The following ARHGAP24 variants were observed in gnomAD, a reference collection of about 807,000 sequenced individuals.
ARHGAP24 encodes rho GTPase-activating protein 24.
ARHGAP24 carries 50 observed loss-of-function variants against 76.4 expected under a neutral mutation model. The ratio of observed to expected loss-of-function variants is 0.65; its 90% CI spans 0.52 to 0.83. ARHGAP24 has a LOEUF of 0.83. Ranked by LOEUF, ARHGAP24 falls within the 40% of genes least tolerant of loss-of-function variation. The pLI, the probability that ARHGAP24 is intolerant of heterozygous loss-of-function variation, is 0.00. For missense variants in ARHGAP24, 930 were observed against 914.2 expected (o/e 1.02, Z -0.22); for synonymous variants, 345 against 323.3 (o/e 1.07, Z -0.72).
intron 5 of ARHGAP24, among the ~76,000 whole-genome samples, chr4:85,959,771 T>C (rs1280281573): frequency 6.6e-6 from 1 of 152,184 alleles, no homozygotes; most frequent in Non-Finnish European, 1.5e-5. Flanking sequence ...ACTGTTAAAC[T>C]GCTTTCCAAA....
chr4:85,591,287 C>T (rs1449092489), intron 2 of ARHGAP24, among the ~76,000 whole-genome samples: 1 of 152,064 alleles, frequency 6.6e-6, no homozygotes, highest in African/African-American at 2.4e-5. Flanking sequence ...CTCAGGTGAT[C>T]CACACAACTC....
At chr4:85,993,221 TC>T (rs1474045748) in intron 8 of ARHGAP24, among the ~76,000 whole-genome samples, 1 of 152,152 alleles carries the variant, frequency 6.6e-6, no homozygotes, top group Admixed American at 6.6e-5. Flanking sequence ...ATTTTCAGCT[TC>T]CAGGTGATGC....
chr4:85,755,390 T>G (rs1159726523), intron 3 of ARHGAP24, among the ~76,000 whole-genome samples: 6 of 152,058 alleles, frequency 3.9e-5, no homozygotes, highest in Non-Finnish European at 7.4e-5. Flanking sequence ...CCCCTACACT[T>G]GTAGACAAGA....
chr4:85,997,822 A>AT (rs34276670), intron 9 of ARHGAP24, among the ~76,000 whole-genome samples: 31 of 149,272 alleles, frequency 2.1e-4, no homozygotes, highest in East Asian at 7.9e-4. Flanking sequence ...TGACTGGATA[A>AT]TTTTTTTTTT....
At chr4:85,626,827 T>A (rs541802366) in intron 2 of ARHGAP24, among the ~76,000 whole-genome samples, 4 of 152,268 alleles carry the variant, frequency 2.6e-5, no homozygotes, top group African/African-American at 9.6e-5. Context: ...TCATTCTTTT[T>A]GTCTTCCATC....
At chr4:85,609,030 A>G (rs1720297655) in intron 2 of ARHGAP24, among the ~76,000 whole-genome samples, 1 of 152,126 alleles carries the variant, frequency 6.6e-6, no homozygotes, top group African/African-American at 2.4e-5. Flanking sequence ...CATCTGTAAA[A>G]CAAGAGTAAG....
intron 2 of ARHGAP24, among the ~76,000 whole-genome samples, chr4:85,615,895 G>C (rs1161062850): frequency 6.6e-6 from 1 of 152,198 alleles, no homozygotes; most frequent in Non-Finnish European, 1.5e-5. Context: ...GTGGTCACTA[G>C]AGTATTGTTT....
chr4:85,973,240 G>C (rs543775654), intron 6 of ARHGAP24, among the ~76,000 whole-genome samples: 5 of 152,118 alleles, frequency 3.3e-5, no homozygotes, highest in Non-Finnish European at 7.4e-5. Flanking sequence ...GAGTAAAGTC[G>C]TATCTCATTG....
chr4:85,589,539 T>G (rs778763009), intron 2 of ARHGAP24, among the ~76,000 whole-genome samples: 1 of 152,218 alleles, frequency 6.6e-6, no homozygotes, highest in Non-Finnish European at 1.5e-5. Context: ...ATCATGGTAG[T>G]GACCATTTTG....
intron 8 of ARHGAP24, chr4:85,990,656 G>T (rs1055595183): frequency 6.6e-6 from 1 of 151,782 alleles, no homozygotes; most frequent in Non-Finnish European, 1.5e-5. Context: ...ATGTACCACG[G>T]TATTTCAATG....
intron 2 of ARHGAP24, among the ~76,000 whole-genome samples, chr4:85,648,195 A>G (rs952925648): frequency 6.6e-6 from 1 of 152,116 alleles, no homozygotes; most frequent in African/African-American, 2.4e-5. Context: ...CCTACGCCAG[A>G]TCGGAGGGGG....
At chr4:85,663,043 A>T (rs1722467309) in intron 2 of ARHGAP24, among the ~76,000 whole-genome samples, 1 of 151,918 alleles carries the variant, frequency 6.6e-6, no homozygotes, top group Admixed American at 6.6e-5. Flanking sequence ...AGTTTTTTCC[A>T]ATTCTCTAAA....
At chr4:85,847,367 A>G (rs1730950460) in intron 3 of ARHGAP24, among the ~76,000 whole-genome samples, 1 of 152,158 alleles carries the variant, frequency 6.6e-6, no homozygotes, top group Non-Finnish European at 1.5e-5. Flanking sequence ...ACAATCTTAC[A>G]TGCTAGACAC....
intron 3 of ARHGAP24, among the ~76,000 whole-genome samples, chr4:85,846,669 A>G (rs1182045359): frequency 6.6e-6 from 1 of 152,206 alleles, no homozygotes; most frequent in Admixed American, 6.5e-5. Context: ...TCTTGGATAA[A>G]GATAACTTGT....
At chr4:85,554,806 G>T (rs2110131513) in intron 1 of ARHGAP24, among the ~76,000 whole-genome samples, 1 of 150,974 alleles carries the variant, frequency 6.6e-6, no homozygotes, top group African/African-American at 2.4e-5. Flanking sequence ...GAGTAGCTGG[G>T]ACTACAGGTG....
rs1171199942 is a variant in ARHGAP24, at chr4:85,997,190, G to A, written c.2003+1533G>A. Among the ~76,000 whole-genome samples the A allele has an allele frequency of 5.9e-5, 9 of 151,958 alleles. No individual in the cohort carries two copies. In the East Asian group the frequency reaches 1.7e-3, roughly 29 times the overall value. On this transcript the variant is annotated intron_variant, in intron 9 of 9. Coordinates refer to ENST00000395184, the MANE Select transcript of ARHGAP24 (RefSeq NM_001025616.3). The stretch of plus-strand genomic sequence containing the variant: ...TTCTGGCTAAATTTTGATCATTTCT[G>A]TTTAGAGTTATTCATTTTTCTTTAA...
rs192961158 is a variant in ARHGAP24, at chr4:85,834,866, C to T, written c.269-88782C>T. Among the ~76,000 whole-genome samples, 4 of 152,274 alleles carry T rather than the reference C, an allele frequency of 2.6e-5. No homozygotes were observed. The East Asian group carries it at 5.8e-4, about 22-fold the overall frequency. On this transcript the variant is annotated intron_variant, in intron 3 of 9. Coordinates refer to ENST00000395184, the MANE Select transcript of ARHGAP24 (RefSeq NM_001025616.3). The stretch of plus-strand genomic sequence containing the variant: ...TCCTCCATTTATGTGAAAACCCAAA[C>T]ACTCCTGCACTTTTCAAATATCTCC...
intron 2 of ARHGAP24, among the ~76,000 whole-genome samples, chr4:85,666,906 C>T (rs544693936): frequency 6.6e-6 from 1 of 152,312 alleles, no homozygotes; most frequent in African/African-American, 2.4e-5. Context: ...TCTGCCCATA[C>T]TGGGGGGTAC....
At chr4:85,780,032 A>G (rs779368106) in intron 3 of ARHGAP24, among the ~76,000 whole-genome samples, 1 of 152,196 alleles carries the variant, frequency 6.6e-6, no homozygotes, top group Non-Finnish European at 1.5e-5. Context: ...ACTAAATGCA[A>G]TTTAATGTTC....
Sources: gnomAD v4.1 joint callset for allele counts (sites outside exome capture counted in the v4.1 genomes callset) on GRCh38, gnomAD v4.1.1 for gene constraint, MANE v1.5 for transcripts, NCBI Gene and HGNC (gene_info 2026-07-23, HGNC 2026-07-21) for gene names.